Variants in RIPOR1 observed in about 807,000 individuals in gnomAD.
The protein encoded by RIPOR1 is rho family-interacting cell polarization regulator 1.
A neutral mutation model predicts 116.5 loss-of-function variants in RIPOR1; 58 were observed. That is an observed-to-expected ratio of 0.50 (90% CI 0.40 to 0.62). The LOEUF is 0.62. RIPOR1 is among the 20% of genes least tolerant of loss of function. The pLI, the probability that RIPOR1 is intolerant of heterozygous loss-of-function variation, is 0.00. For synonymous variants in RIPOR1, 605 were observed against 650.0 expected (o/e 0.93, Z 1.05); for missense variants, 1,372 against 1,586.2 (o/e 0.86, Z 2.29).
chr16:67,544,537 G>A lies in RIPOR1; in HGVS notation c.2733+106G>A, dbSNP rs1385709577. On this transcript the variant is annotated intron_variant, in intron 15 of 21. Coordinates refer to ENST00000042381, the MANE Select transcript of RIPOR1 (RefSeq NM_024519.4). The surrounding 1 kb of genome is among the most constrained non-coding windows in gnomAD (Gnocchi z 5.1). ...TACCTCCTCTGAGTGCCACACCCCAGTGCCCCAGGGCCCTTGGCATCTGGC... is the reference window on the plus strand; with the variant it reads ...TACCTCCTCTGAGTGCCACACCCCAATGCCCCAGGGCCCTTGGCATCTGGC... 6.5e-7 allele frequency: 1 copy of A among 1,533,592 alleles called. No homozygotes were observed. The highest frequency in any genetic ancestry group is 1.4e-5 in the African/African-American group (1 of 73,674). 95.0% of individuals were successfully genotyped at this position (1,533,592 alleles called of 1,614,324 possible). A position where few individuals can be genotyped will look rare whatever the true frequency, so the allele number is the denominator to read the frequency against.
At chr16:67,526,340 G>T (rs1016015634), upstream of RIPOR1, among the ~76,000 whole-genome samples, 1 of 152,214 alleles carries the variant, frequency 6.6e-6, no homozygotes, top group African/African-American at 2.4e-5. Flanking sequence ...GATCACAGGG[G>T]CCGCAGAATA....
intron 1 of RIPOR1, among the ~76,000 whole-genome samples, chr16:67,522,191 A>ATT (rs34835336): frequency 0.027 from 1,953 of 71,232 alleles, 314 homozygotes; most frequent in African/African-American, 0.092. Flanking sequence ...CCACGCCCAG[A>ATT]TTTTTTTTTT....
rs2051047184 is a variant in RIPOR1, at chr16:67,543,124, A to G, written c.2338A>G (p.Thr780Ala). 1 of 1,523,798 alleles carries G rather than the reference A, an allele frequency of 6.6e-7. No individual in the cohort carries two copies. The highest frequency in any genetic ancestry group is 8.8e-7 in the Non-Finnish European group (1 of 1,137,824). The allele number at this position is 1,523,798 out of a possible 1,614,324, so 94.4% of individuals were successfully genotyped here. Residue 780 changes from threonine (T) to alanine (A), a missense_variant, in exon 13 of 22, where the codon ACG (threonine) becomes GCG (alanine). This residue lies in a region of RIPOR1 where 1,005 missense variants were observed against 1,144.7 expected (regional missense o/e 0.88). Transcript: ENST00000042381. The surrounding 1 kb of genome is among the most constrained non-coding windows in gnomAD (Gnocchi z 4.7). ...CATGGCTGTCCAGACCCCAGTCCCA[A>G]CGGCAGCCGGAGGGTCTGGGGACAG... Reference protein sequence around the residue: ...LAMAVQTPVPTAAGGSGDRSL... With the variant: ...LAMAVQTPVPAAAGGSGDRSL...
intron 1 of RIPOR1, among the ~76,000 whole-genome samples, chr16:67,520,062 C>CAAA (rs796368368): frequency 1.1e-3 from 49 of 45,970 alleles, no homozygotes; most frequent in Middle Eastern, 0.017. Flanking sequence ...AACTCCGTCT[C>CAAA]AAAAAAAAAA....
At position 67,531,039 on chromosome 16, in the gene RIPOR1, C is replaced by T. The variant is rs747353881; in HGVS notation, c.-24+2125C>T. On this transcript the variant is annotated intron_variant, in intron 1 of 21. Transcript: ENST00000042381. The surrounding 1 kb of genome is among the most constrained non-coding windows in gnomAD (Gnocchi z 4.2). ...TAGACATCCTAGTTCCTATGGGACTCGGGGGATGGTGGCAGCAGAGGGCCA... is the reference window on the plus strand; with the variant it reads ...TAGACATCCTAGTTCCTATGGGACTTGGGGGATGGTGGCAGCAGAGGGCCA... Among the ~76,000 whole-genome samples the T allele has an allele frequency of 2.0e-5, 3 of 152,048 alleles. No individual in the cohort carries two copies. Among genetic ancestry groups the T allele is most frequent in the Non-Finnish European group, 4.4e-5 (3 of 68,002 alleles).
At chr16:67,534,847 T>C (rs1293498809) in intron 1 of RIPOR1, among the ~76,000 whole-genome samples, 13 of 139,856 alleles carry the variant, frequency 9.3e-5, no homozygotes, top group Non-Finnish European at 1.1e-4. Flanking sequence ...TTTTTTTTTT[T>C]TTTTTTTTTT....
Position 67,542,708 on chromosome 16 carries a change from C to A in RIPOR1, c.1922C>A (p.Thr641Lys). The part of the protein sequence containing the change: ...HKTSMSPPTT[T>K]SPTPSGMGLV... Reference sequence around the variant, plus strand: ...ACCAGTATGTCACCTCCCACCACTACAAGTCCTACCCCCAGTGGTATGGGC... The same window carrying A: ...ACCAGTATGTCACCTCCCACCACTAAAAGTCCTACCCCCAGTGGTATGGGC... Residue 641 changes from threonine (T) to lysine (K), a missense_variant, in exon 13 of 22, where the codon ACA (threonine) becomes AAA (lysine). Coordinates refer to ENST00000042381, the MANE Select transcript of RIPOR1 (RefSeq NM_024519.4). This position sits in a 1 kb window ranked among gnomAD's most constrained non-coding sequence, Gnocchi z 4.6. 1 of 1,613,624 alleles carries A rather than the reference C, an allele frequency of 6.2e-7. No homozygotes were observed. Among genetic ancestry groups the A allele is most frequent in the East Asian group, 2.2e-5 (1 of 44,864 alleles).
intron 1 of RIPOR1, among the ~76,000 whole-genome samples, chr16:67,522,175 G>A (rs2050500225): frequency 7.2e-6 from 1 of 139,250 alleles, no homozygotes; most frequent in East Asian, 2.1e-4. Flanking sequence ...CTACAGGCGT[G>A]TGCCACCACG....
chr16:67,540,123 C>T lies in RIPOR1; in HGVS notation c.485C>T (p.Ala162Val), dbSNP rs2050931630. The T allele has an allele frequency of 1.2e-6, 2 of 1,614,182 alleles. No homozygotes were observed. The highest frequency in any genetic ancestry group is 3.3e-5 in the Admixed American group (2 of 60,022). The change falls in exon 7 of 22, where the codon GCC becomes GTC. Residue 162 changes from alanine to valine, a missense_variant. Around this residue, in one of 3 missense-constraint regions of RIPOR1, gnomAD observed 202 missense variants for 295.9 expected, o/e 0.68. Coordinates refer to ENST00000042381, the MANE Select transcript of RIPOR1 (RefSeq NM_024519.4). The surrounding 1 kb of genome is among the most constrained non-coding windows in gnomAD (Gnocchi z 4.7). ...LRDGAYNMVR[A>V]YTTGSPGSRE... ...GATGGTGCCTACAACATGGTCCGTG[C>T]CTACACCACTGGGTCCCCGGGAAGC...
chr16:67,537,346 C>G lies in RIPOR1; in HGVS notation c.-23-1078C>G, dbSNP rs2050819637. ...CATTGCTGACCCCAGCTGAGCAGAC[C>G]CCTCGCCCCCCGTCGGTCCCCTCCC... On this transcript the variant is annotated intron_variant, in intron 1 of 21. Transcript: ENST00000042381. This position sits in a 1 kb window ranked among gnomAD's most constrained non-coding sequence, Gnocchi z 4.6. The G allele has an allele frequency of 1.6e-6, 2 of 1,214,654 alleles. No homozygotes were observed. The highest frequency in any genetic ancestry group is 2.1e-6 in the Non-Finnish European group (2 of 973,214). 75.2% of individuals were successfully genotyped at this position (1,214,654 alleles called of 1,614,324 possible). A position where few individuals can be genotyped will look rare whatever the true frequency, so the allele number is the denominator to read the frequency against.
Position 67,531,047 on chromosome 16 carries a change from G to T in RIPOR1, c.-24+2133G>T, listed in dbSNP as rs2050648305. Among the ~76,000 whole-genome samples, 1 of 152,106 alleles carries T rather than the reference G, an allele frequency of 6.6e-6. No individual in the cohort carries two copies. Among genetic ancestry groups the T allele is most frequent in the African/African-American group, 2.4e-5 (1 of 41,396 alleles). ...CTAGTTCCTATGGGACTCGGGGGAT[G>T]GTGGCAGCAGAGGGCCAACCAGAGA... On this transcript the variant is annotated intron_variant, in intron 1 of 21. Coordinates refer to ENST00000042381, the MANE Select transcript of RIPOR1 (RefSeq NM_024519.4). The surrounding 1 kb of genome is among the most constrained non-coding windows in gnomAD (Gnocchi z 4.2).
At position 67,544,279 on chromosome 16, in the gene RIPOR1, G is replaced by A; in HGVS notation, c.2601-20G>A. ...TGGTGATGTGTGCCTGTGGGGTGGT[G>A]GACCCCATTTTTCCCTCAGGCCTCC... On this transcript the variant is annotated intron_variant, in intron 14 of 21. Coordinates refer to ENST00000042381, the MANE Select transcript of RIPOR1 (RefSeq NM_024519.4). The surrounding 1 kb of genome is among the most constrained non-coding windows in gnomAD (Gnocchi z 5.1). 1 of 1,587,388 alleles carries A rather than the reference G, an allele frequency of 6.3e-7. No individual in the cohort carries two copies. The highest frequency in any genetic ancestry group is 8.6e-7 in the Non-Finnish European group (1 of 1,159,666).
upstream of RIPOR1, among the ~76,000 whole-genome samples, chr16:67,525,084 C>T (rs1665896803): frequency 6.6e-6 from 1 of 152,252 alleles, no homozygotes; most frequent in Non-Finnish European, 1.5e-5. Flanking sequence ...TCTTGCTCCC[C>T]CAGCCTCAGC....
Position 67,537,676 on chromosome 16 carries a change from GT to G in RIPOR1, c.-23-747del. ...GGCCGGGTTTGGGGGCCAGGAGTGT[GT>G]GTTTCGCCGAAGCGGGGTGGGGGTC... On this transcript the variant is annotated intron_variant, in intron 1 of 21. Coordinates refer to ENST00000042381, the MANE Select transcript of RIPOR1 (RefSeq NM_024519.4). This position sits in a 1 kb window ranked among gnomAD's most constrained non-coding sequence, Gnocchi z 4.6. The G allele has an allele frequency of 9.8e-7, 1 of 1,022,124 alleles. No homozygotes were observed. The highest frequency in any genetic ancestry group is 1.3e-6 in the Non-Finnish European group (1 of 775,306). 63.3% of individuals were successfully genotyped at this position (1,022,124 alleles called of 1,614,324 possible).
chr16:67,529,609 AT>A lies in RIPOR1; in HGVS notation c.-24+697del. 3.0e-6 allele frequency: 2 copies of A among 672,942 alleles called. No homozygotes were observed. Among genetic ancestry groups the A allele is most frequent in the Non-Finnish European group, 5.0e-6 (2 of 402,440 alleles). 41.7% of individuals were successfully genotyped at this position (672,942 alleles called of 1,614,324 possible). On this transcript the variant is annotated intron_variant, in intron 1 of 21. Transcript: ENST00000042381. This position sits in a 1 kb window ranked among gnomAD's most constrained non-coding sequence, Gnocchi z 4.1. ...GGGCTAGAGGTCGGATTCAGTCCAG[AT>A]TCAGCACCCTTTGTCCTCCTCTCCA... is the stretch of plus-strand genomic sequence containing the variant.
In RIPOR1 at chr16:67,542,151, T is replaced by C; in HGVS notation, c.1365T>C (p.Ser455=). The C allele has an allele frequency of 2.5e-6, 4 of 1,613,960 alleles. No homozygotes were observed. Among genetic ancestry groups the C allele is most frequent in the Non-Finnish European group, 3.4e-6 (4 of 1,179,904 alleles). Residue 455 remains serine (S), a synonymous_variant, in exon 13 of 22, where the codon AGT becomes AGC. Transcript: ENST00000042381. The surrounding 1 kb of genome is among the most constrained non-coding windows in gnomAD (Gnocchi z 4.6). ...SRTLSHISEA[S]VDAALAEASV... ...CTCTGAGCCACATCAGTGAGGCTAG[T>C]GTAGATGCTGCCTTGGCTGAGGCTT...
chr16:67,534,033 T>C (rs1348447476), intron 1 of RIPOR1, among the ~76,000 whole-genome samples: 2 of 149,550 alleles, frequency 1.3e-5, no homozygotes, highest in Non-Finnish European at 3.0e-5. Flanking sequence ...TTGGTCAGGC[T>C]GGTCTCGAAC....
Position 67,543,399 on chromosome 16 carries a change from G to A in RIPOR1, c.2530G>A (p.Glu844Lys), listed in dbSNP as rs755995770. 11 of 1,590,098 alleles carry A rather than the reference G, an allele frequency of 6.9e-6. No individual in the cohort carries two copies. In the East Asian group the frequency reaches 2.3e-4, roughly 33 times the overall value. Residue 844 changes from glutamate to lysine, a missense_variant, in exon 14 of 22, where the codon GAG becomes AAG. By Grantham distance (56) the Glu-to-Lys change is moderately conservative. Around this residue, in one of 3 missense-constraint regions of RIPOR1, gnomAD observed 1,005 missense variants for 1,144.7 expected, o/e 0.88. Transcript: ENST00000042381. This position sits in a 1 kb window ranked among gnomAD's most constrained non-coding sequence, Gnocchi z 4.7. ...GGCCTCCAGTCTCAGCATCACTGTG[G>A]AGCATGCCTTGGAGAGCTTCAGCTT... ...SRASSLSITV[E>K]HALESFSFLN... is the part of the protein sequence containing the mutation.
chr16:67,529,944 C>A lies in RIPOR1; in HGVS notation c.-24+1030C>A. The A allele has an allele frequency of 1.2e-6, 1 of 868,144 alleles. No individual in the cohort carries two copies. The highest frequency in any genetic ancestry group is 1.4e-5 in the South Asian group (1 of 70,730). The allele number at this position is 868,144 out of a possible 1,614,324, so 53.8% of individuals were successfully genotyped here. On this transcript the variant is annotated intron_variant, in intron 1 of 21. Transcript: ENST00000042381. This position sits in a 1 kb window ranked among gnomAD's most constrained non-coding sequence, Gnocchi z 4.1. The stretch of plus-strand genomic sequence containing the variant: ...TCCTTGCCCCTGCGACACCCACCTC[C>A]GTGGTATTGGAGGGAGGAGAGGAAT...
Sources: gnomAD v4.1 joint callset for allele counts (sites outside exome capture counted in the v4.1 genomes callset) on GRCh38, gnomAD v4.1.1 for gene constraint, gnomAD v4.1.1 regional missense constraint, Gnocchi (gnomAD v3.1) non-coding constraint, MANE v1.5 for transcripts, NCBI Gene and HGNC (gene_info 2026-07-23, HGNC 2026-07-21) for gene names.